ZNF318: variants seen among roughly 807,000 people sequenced by gnomAD.
The protein encoded by ZNF318 is zinc finger protein 318.
In ZNF318, 51 loss-of-function variants were observed where a neutral mutation model predicts 124.2. The observed-to-expected ratio is 0.41, with a 90% CI of 0.33 to 0.52. The LOEUF (loss-of-function observed/expected upper bound fraction) is 0.52. Ranked by LOEUF, ZNF318 falls within the 20% of genes least tolerant of loss-of-function variation. ZNF318 has a pLI of 0.23. For synonymous variants in ZNF318, 1,090 were observed against 1,040.7 expected (o/e 1.05, Z -0.91); for missense variants, 2,815 against 2,811.2 (o/e 1.00, Z -0.03).
intron 5 of ZNF318, among the ~76,000 whole-genome samples, chr6:43,350,294 G>A (rs947586890): frequency 1.3e-5 from 2 of 152,180 alleles, no homozygotes; most frequent in African/African-American, 2.4e-5. Context: ...ACTCAAAAAC[G>A]ATGGAGACAT....
Position 43,342,511 on chromosome 6 carries a change from G to A in ZNF318, c.3276+165C>T, listed in dbSNP as rs369562640. Among the ~76,000 whole-genome samples the A allele has an allele frequency of 1.9e-4, 29 of 152,352 alleles. No homozygotes were observed. In the East Asian group the frequency reaches 4.6e-3, roughly 24 times the overall value. On this transcript the variant is annotated intron_variant, in intron 7 of 9. Transcript: ENST00000361428. Reference sequence around the variant, plus strand: ...GTTACAGCCAAGTCCCCTGGACTGAGCCCTGGGGATGGTGTCTCCTTTGTT... The same window carrying A: ...GTTACAGCCAAGTCCCCTGGACTGAACCCTGGGGATGGTGTCTCCTTTGTT...
intron 6 of ZNF318, among the ~76,000 whole-genome samples, chr6:43,345,245 CAAAAAAA>C (rs35628286): frequency 8.2e-6 from 1 of 122,024 alleles, no homozygotes; most frequent in Non-Finnish European, 1.7e-5. Flanking sequence ...GACCCTGTCT[CAAAAAAA>C]AAAAAAAAAA....
At chr6:43,341,897 A>C (rs1779377125) in intron 8 of ZNF318, among the ~76,000 whole-genome samples, 1 of 152,192 alleles carries the variant, frequency 6.6e-6, no homozygotes, top group African/African-American at 2.4e-5. Flanking sequence ...ATCTGTGAAT[A>C]GATTTTTGGC....
chr6:43,349,968 G>A (rs1011209791), intron 5 of ZNF318, among the ~76,000 whole-genome samples: 16 of 152,088 alleles, frequency 1.1e-4, no homozygotes, highest in African/African-American at 3.9e-4. Context: ...AAGAAAAAAA[G>A]GCCGGGTGGG....
In ZNF318 at chr6:43,336,988, G is replaced by T. The variant is rs1779288665; in HGVS notation, c.*170C>A. On this transcript the variant is annotated 3_prime_UTR_variant, in exon 10 of 10. Coordinates refer to ENST00000361428, the MANE Select transcript of ZNF318 (RefSeq NM_014345.3). Reference sequence around the variant, plus strand: ...TTGTCTGGTGTTTTAAGGGGAAAGGGAAAAGGAAAGGAGGTAAATTTTTTA... The same window carrying T: ...TTGTCTGGTGTTTTAAGGGGAAAGGTAAAAGGAAAGGAGGTAAATTTTTTA... 1 of 471,518 alleles carries T rather than the reference G, an allele frequency of 2.1e-6. No homozygotes were observed. The highest frequency in any genetic ancestry group is 3.9e-5 in the Admixed American group (1 of 25,826). The allele number at this position is 471,518 out of a possible 1,614,324, so 29.2% of individuals were successfully genotyped here.
At chr6:43,351,439 G>A (rs999704415) in intron 5 of ZNF318, among the ~76,000 whole-genome samples, 11 of 152,104 alleles carry the variant, frequency 7.2e-5, no homozygotes, top group Non-Finnish European at 1.6e-4. Flanking sequence ...TAGGAGTAAA[G>A]GAACATCACA....
chr6:43,347,125 AG>A (rs1279219044), intron 6 of ZNF318, among the ~76,000 whole-genome samples: 1 of 152,238 alleles, frequency 6.6e-6, no homozygotes, highest in East Asian at 1.9e-4. Flanking sequence ...AATTGGAGTT[AG>A]AAGAGTAGAT....
intron 6 of ZNF318, among the ~76,000 whole-genome samples, chr6:43,344,838 C>A (rs1262319028): frequency 6.6e-6 from 1 of 150,900 alleles, no homozygotes; most frequent in Non-Finnish European, 1.5e-5. Flanking sequence ...ATAACATACA[C>A]CAAGGTATTA....
Position 43,359,966 on chromosome 6 carries a change from C to T in ZNF318, c.549-2201G>A, listed in dbSNP as rs993701973. Reference sequence around the variant, plus strand: ...TATAGGTCTGTCAGCCATAAACACACCTATTTCCAGAGAGGAATGTTCATG... The same window carrying T: ...TATAGGTCTGTCAGCCATAAACACATCTATTTCCAGAGAGGAATGTTCATG... On this transcript the variant is annotated intron_variant, in intron 2 of 9. Coordinates refer to ENST00000361428, the MANE Select transcript of ZNF318 (RefSeq NM_014345.3). 8.5e-5 allele frequency among the ~76,000 whole-genome samples: 13 copies of T among 152,224 alleles called. No homozygotes were observed. The East Asian group carries it at 2.3e-3, about 27-fold the overall frequency.
chr6:43,339,393 T>G lies in ZNF318; in HGVS notation c.4605A>C (p.Leu1535Phe). The G allele has an allele frequency of 6.2e-7, 1 of 1,614,104 alleles. No homozygotes were observed. The change falls in exon 10 of 10, where the codon TTA becomes TTC. Residue 1535 changes from leucine to phenylalanine, a missense_variant. Coordinates refer to ENST00000361428, the MANE Select transcript of ZNF318 (RefSeq NM_014345.3). The surrounding 1 kb of genome is among the most constrained non-coding windows in gnomAD (Gnocchi z 4.2). ...TTGAGAGGGGTGGTGGAGGACGTAC[T>G]AACACAGAGAACAGGGTCTGGTCTC... is the stretch of plus-strand genomic sequence containing the variant. The part of the protein sequence containing the change: ...SDRDQTLFSV[L>F]VRPPPPLSSV...
chr6:43,340,517 G>C lies in ZNF318; in HGVS notation c.3496-15C>G. Reference sequence around the variant, plus strand: ...TCCACATATTTCTGGGAAGAAAAAAGATAAAGACTCAAAAACTGGTGAAAA... The same window carrying C: ...TCCACATATTTCTGGGAAGAAAAAACATAAAGACTCAAAAACTGGTGAAAA... On this transcript the variant is annotated splice_polypyrimidine_tract_variant and intron_variant, in intron 9 of 9. Transcript: ENST00000361428. The C allele has an allele frequency of 6.4e-7, 1 of 1,564,758 alleles. No homozygotes were observed. The highest frequency in any genetic ancestry group is 8.6e-7 in the Non-Finnish European group (1 of 1,161,876).
intron 2 of ZNF318, among the ~76,000 whole-genome samples, chr6:43,361,783 G>A (rs548148687): frequency 1.8e-4 from 28 of 152,160 alleles, no homozygotes; most frequent in African/African-American, 6.3e-4. Flanking sequence ...ACCCAACTTG[G>A]CTATCATCCA....
At position 43,340,847 on chromosome 6, in the gene ZNF318, C is replaced by T. The variant is rs1382474978; in HGVS notation, c.3438G>A (p.Gly1146=). 3.1e-6 allele frequency: 5 copies of T among 1,613,978 alleles called. No homozygotes were observed. Among genetic ancestry groups the T allele is most frequent in the Non-Finnish European group, 1.7e-6 (2 of 1,180,020 alleles). The change falls in exon 9 of 10, where the codon GGG becomes GGA. Residue 1146 remains glycine, a synonymous_variant. Transcript: ENST00000361428. ...CATGTTGCTCCCCAGAAATTGGATC[C>T]CCCAAAAATTCCTCACAGAGCTGGC... is the stretch of plus-strand genomic sequence containing the variant. ...FYCQLCEEFL[G]DPISGEQHVK...
chr6:43,350,182 G>A (rs1779506188), intron 5 of ZNF318, among the ~76,000 whole-genome samples: 2 of 152,176 alleles, frequency 1.3e-5, no homozygotes. Context: ...CCTGGAAGGT[G>A]GAGGTTGCAG....
At chr6:43,349,341 T>C (rs928672613) in intron 5 of ZNF318, among the ~76,000 whole-genome samples, 5 of 152,124 alleles carry the variant, frequency 3.3e-5, no homozygotes, top group Non-Finnish European at 5.9e-5. Context: ...CTAAGGACAC[T>C]TTAACAACTT....
At chr6:43,361,250 T>C (rs144802569) in intron 2 of ZNF318, among the ~76,000 whole-genome samples, 4 of 152,276 alleles carry the variant, frequency 2.6e-5, no homozygotes, top group African/African-American at 9.6e-5. Context: ...ACTCCTTCAA[T>C]CTGTCAGAAT....
rs749324573 is a variant in ZNF318, at chr6:43,337,236, C to G, written c.6762G>C (p.Met2254Ile). The change falls in exon 10 of 10, where the codon ATG becomes ATC. Residue 2254 changes from methionine (M) to isoleucine (I), a missense_variant. Transcript: ENST00000361428. ...CCTGTTCAGGCATTCCCTGAGGGAC[C>G]ATATTGTCTTCAATTACCTGCTCCC... is the stretch of plus-strand genomic sequence containing the variant. ...PPREQVIEDN[M>I]VPQGMPEQET... The G allele has an allele frequency of 1.2e-6, 2 of 1,614,120 alleles. No homozygotes were observed. The highest frequency in any genetic ancestry group is 1.1e-5 in the South Asian group (1 of 91,078).
At chr6:43,365,218 A>AT in intron 2 of ZNF318, 74 bp downstream of exon 2, 1 of 1,505,542 alleles carries the variant, frequency 6.6e-7, no homozygotes. Context: ...CCTTTCAAAT[A>AT]TATCATTCGG....
intron 5 of ZNF318, among the ~76,000 whole-genome samples, chr6:43,351,619 G>T (rs1356945919): frequency 6.6e-6 from 1 of 152,028 alleles, no homozygotes; most frequent in Non-Finnish European, 1.5e-5. Flanking sequence ...AAATTAGCCA[G>T]GTGTGGTGGC....
Sources: allele counts gnomAD v4.1 joint callset (sites outside exome capture counted in the v4.1 genomes callset), GRCh38; gene constraint gnomAD v4.1.1; non-coding constraint Gnocchi (gnomAD v3.1); transcripts MANE v1.5; gene names NCBI Gene and HGNC (gene_info 2026-07-23, HGNC 2026-07-21).